NALF1: variants seen among roughly 807,000 people sequenced by gnomAD.
NALF1 encodes family with sequence similarity 155 member A.
Under a neutral mutation model 48.4 loss-of-function variants are expected in NALF1, and 3 were observed. The observed-to-expected ratio is 0.06, with a 90% CI of 0.03 to 0.16. The LOEUF (loss-of-function observed/expected upper bound fraction) is 0.16. Among genes scored for constraint, NALF1 ranks in the 10% least tolerant of loss-of-function variants. The pLI is 1.00. For synonymous variants in NALF1, 262 were observed against 245.7 expected, an observed-to-expected ratio of 1.07 and a Z score of -0.62; for missense variants, 526 against 571.5, an observed-to-expected ratio of 0.92 and a Z score of 0.81.
At chr13:107,545,775 T>C (rs1371060642) in intron 1 of NALF1, among the ~76,000 whole-genome samples, 1 of 151,958 alleles carries the variant, frequency 6.6e-6, no homozygotes, top group Non-Finnish European at 1.5e-5. Context: ...TGCGAGATGG[T>C]ATAGACTGAA....
At chr13:107,541,217 G>A (rs1354038784) in intron 1 of NALF1, among the ~76,000 whole-genome samples, 1 of 152,062 alleles carries the variant, frequency 6.6e-6, no homozygotes, top group Non-Finnish European at 1.5e-5. Context: ...ACACATTTTT[G>A]TTATTTCAAA....
rs538720412 is a variant in NALF1 at position 107,821,685 on chromosome 13, G to A, written c.915+43997C>T. Reference sequence around the variant, plus strand: ...AGATATGACAACTAAATGCAATGTGGTACTCTGGATGAGATCCAATGACAG... The same window carrying A: ...AGATATGACAACTAAATGCAATGTGATACTCTGGATGAGATCCAATGACAG... On this transcript the variant is annotated intron_variant, in intron 1 of 2. Coordinates refer to ENST00000375915, the MANE Select transcript of NALF1 (RefSeq NM_001080396.3). Among the ~76,000 whole-genome samples the A allele has an allele frequency of 2.6e-5, 4 of 152,160 alleles. No individual in the cohort carries two copies. In the South Asian group the frequency reaches 8.3e-4, roughly 31 times the overall value.
chr13:107,700,784 A>G (rs1419060211), intron 1 of NALF1, among the ~76,000 whole-genome samples: 1 of 152,142 alleles, frequency 6.6e-6, no homozygotes, highest in East Asian at 1.9e-4. Flanking sequence ...ACTCAACAGC[A>G]GAAAAGCAAA....
chr13:107,746,725 T>C (rs1876791173), intron 1 of NALF1, among the ~76,000 whole-genome samples: 1 of 152,200 alleles, frequency 6.6e-6, no homozygotes, highest in African/African-American at 2.4e-5. Flanking sequence ...TAAAAGGGCC[T>C]TCAGCTGACT....
In NALF1 at chr13:107,545,051, C is replaced by T. The variant is rs551113999; in HGVS notation, c.915+320631G>A. On this transcript the variant is annotated intron_variant, in intron 1 of 2. Transcript: ENST00000375915. ...CTAAGTTGCCCCCTCAAAAGATATG[C>T]CGACGTCCTAACCCTTAGTACATAT... Among the ~76,000 whole-genome samples, 17 of 152,272 alleles carry T rather than the reference C, an allele frequency of 1.1e-4. No individual in the cohort carries two copies. The South Asian group carries it at 3.5e-3, about 32-fold the overall frequency.
chr13:107,412,155 G>T (rs185475038), intron 1 of NALF1, among the ~76,000 whole-genome samples: 2 of 152,002 alleles, frequency 1.3e-5, no homozygotes, highest in Non-Finnish European at 2.9e-5. Flanking sequence ...AAATTTCCAC[G>T]CGCTTAAACA....
At chr13:107,671,215 A>T (rs772044634) in intron 1 of NALF1, among the ~76,000 whole-genome samples, 1 of 152,198 alleles carries the variant, frequency 6.6e-6, no homozygotes, top group African/African-American at 2.4e-5. Flanking sequence ...TAAGATAATA[A>T]TATATCTTGT....
intron 1 of NALF1, among the ~76,000 whole-genome samples, chr13:107,343,076 ATTTTTCTTAAG>A (rs1882711198): frequency 2.0e-5 from 3 of 152,276 alleles, no homozygotes; most frequent in African/African-American, 7.2e-5. Flanking sequence ...CAAAATACAC[ATTTTTCTTAAG>A]TTCACAGAGA....
At chr13:107,243,515 A>G (rs1226916490) in intron 1 of NALF1, among the ~76,000 whole-genome samples, 4 of 152,130 alleles carry the variant, frequency 2.6e-5, no homozygotes, top group Non-Finnish European at 5.9e-5. Context: ...CCTATCTCTA[A>G]AAGACCTAGG....
chr13:107,289,191 C>A (rs576073089), intron 1 of NALF1, among the ~76,000 whole-genome samples: 41 of 152,290 alleles, frequency 2.7e-4, no homozygotes, highest in African/African-American at 9.4e-4. Flanking sequence ...AGCGTCCCTG[C>A]CACCCTATAT....
chr13:107,566,251 A>G (rs1877806521), intron 1 of NALF1, among the ~76,000 whole-genome samples: 1 of 152,220 alleles, frequency 6.6e-6, no homozygotes, highest in African/African-American at 2.4e-5. Flanking sequence ...TGAGCAAAGT[A>G]CATTATTTGG....
chr13:107,593,769 A>G (rs1878662707), intron 1 of NALF1, among the ~76,000 whole-genome samples: 1 of 151,798 alleles, frequency 6.6e-6, no homozygotes, highest in Non-Finnish European at 1.5e-5. Context: ...AAAAATATCA[A>G]TTATGATCAA....
chr13:107,191,550 G>A (rs1475942845), intron 2 of NALF1, among the ~76,000 whole-genome samples: 1 of 152,122 alleles, frequency 6.6e-6, no homozygotes, highest in African/African-American at 2.4e-5. Flanking sequence ...TTTCCTAGAG[G>A]CGATGAAGAA....
At chr13:107,377,895 T>C (rs1883365520) in intron 1 of NALF1, among the ~76,000 whole-genome samples, 2 of 152,210 alleles carry the variant, frequency 1.3e-5, no homozygotes, top group South Asian at 2.1e-4. Context: ...TAAATATGAA[T>C]GAGAAATGAA....
At chr13:107,279,002 CTATT>C (rs374400008) in intron 1 of NALF1, among the ~76,000 whole-genome samples, 181 of 148,008 alleles carry the variant, frequency 1.2e-3, no homozygotes, top group Middle Eastern at 7.2e-3. Flanking sequence ...GGTTACCCGT[CTATT>C]CATTCATTCA....
chr13:107,680,749 G>A (rs1881276167), intron 1 of NALF1, among the ~76,000 whole-genome samples: 1 of 147,964 alleles, frequency 6.8e-6, no homozygotes, highest in Admixed American at 6.7e-5. Flanking sequence ...ATGTGCATGA[G>A]TGTAAGAGTA....
intron 1 of NALF1, among the ~76,000 whole-genome samples, chr13:107,800,008 A>G (rs1878552500): frequency 6.8e-6 from 1 of 146,946 alleles, no homozygotes; most frequent in Non-Finnish European, 1.5e-5. Context: ...AAGAAAAGGA[A>G]GAAAGGGCGG....
At chr13:107,799,622 C>T (rs1241710289) in intron 1 of NALF1, among the ~76,000 whole-genome samples, 1 of 152,098 alleles carries the variant, frequency 6.6e-6, no homozygotes, top group Non-Finnish European at 1.5e-5. Flanking sequence ...TATAATAAAT[C>T]TTATGGTAGA....
intron 1 of NALF1, among the ~76,000 whole-genome samples, chr13:107,505,521 T>C (rs892347082): frequency 6.6e-6 from 1 of 152,082 alleles, no homozygotes; most frequent in Admixed American, 6.6e-5. Flanking sequence ...GATGGCAGGA[T>C]CTGCTGGTAG....
Sources: allele counts gnomAD v4.1 joint callset (sites outside exome capture counted in the v4.1 genomes callset), GRCh38; gene constraint gnomAD v4.1.1; transcripts MANE v1.5; gene names NCBI Gene and HGNC (gene_info 2026-07-23, HGNC 2026-07-21).